Variants in TPO observed in about 807,000 individuals in gnomAD.
TPO encodes the protein thyroid microsomal antigen.
In TPO, 78 loss-of-function variants were observed where a neutral mutation model predicts 96.9. The ratio of observed to expected loss-of-function variants is 0.81; its 90% CI spans 0.67 to 0.97. The LOEUF (loss-of-function observed/expected upper bound fraction) is 0.97. Among genes scored for constraint, TPO ranks in the 50% least tolerant of loss-of-function variants. The pLI is 0.00. For missense variants in TPO, 1,252 were observed against 1,274.8 expected, an observed-to-expected ratio of 0.98 and a Z score of 0.27; for synonymous variants, 547 against 538.0, an observed-to-expected ratio of 1.02 and a Z score of -0.23.
rs1287465779 is a variant in TPO, at chr2:1,540,574, TGGACACGTGTCTCCCACA to T, written c.2619-12_2624del. 2 of 1,612,472 alleles carry T rather than the reference TGGACACGTGTCTCCCACA, an allele frequency of 1.2e-6. No homozygotes were observed. Among genetic ancestry groups the T allele is most frequent in the Non-Finnish European group, 1.7e-6 (2 of 1,180,014 alleles). ...CGGTGCCGGACCCTCTCCCGATAACTGGACACGTGTCTCCCACAGGACACGCACTGGCACTAAATCCAC... is the reference window on the plus strand; with the variant it reads ...CGGTGCCGGACCCTCTCCCGATAACTGGACACGCACTGGCACTAAATCCAC... On this transcript the variant is annotated splice_acceptor_variant and splice_polypyrimidine_tract_variant and intron_variant, in intron 15 of 16. Coordinates refer to ENST00000329066, the MANE Select transcript of TPO (RefSeq NM_001206744.2). LOFTEE classifies it high-confidence loss of function.
chr2:1,481,878 T>C (rs1670678352), intron 8 of TPO, among the ~76,000 whole-genome samples: 1 of 151,962 alleles, frequency 6.6e-6, no homozygotes, highest in Non-Finnish European at 1.5e-5. Flanking sequence ...TTCCCTGCCC[T>C]GCAGGGACAG....
Position 1,423,703 on chromosome 2 carries a change from C to G in TPO, c.179+574C>G, listed in dbSNP as rs190879407. Among the ~76,000 whole-genome samples the G allele has an allele frequency of 8.9e-4, 136 of 152,284 alleles. 1 individual carries two copies. Among genetic ancestry groups the G allele is most frequent in the African/African-American group, 3.1e-3 (128 of 41,564 alleles). On this transcript the variant is annotated intron_variant, in intron 3 of 16. Transcript: ENST00000329066. ...AGCTTATTATTTTGTAGGAAGTTGA[C>G]TAATAATTATATAAGTTCTTGAGAT...
chr2:1,415,250 C>T (rs1662798301), intron 2 of TPO, among the ~76,000 whole-genome samples: 1 of 142,676 alleles, frequency 7.0e-6, no homozygotes, highest in South Asian at 2.3e-4. Flanking sequence ...CGGGCAGGTC[C>T]CTGGGCCTCT....
intron 5 of TPO, 22 bp from the exon 6 acceptor site, chr2:1,453,672 A>G (rs1667519441): frequency 1.2e-6 from 2 of 1,613,806 alleles, no homozygotes; most frequent in South Asian, 2.2e-5. Context: ...TCTCAAACAC[A>G]TCCTTGCATT....
chr2:1,486,075 G>T (rs1671132617), intron 9 of TPO, among the ~76,000 whole-genome samples: 1 of 152,096 alleles, frequency 6.6e-6, no homozygotes, highest in South Asian at 2.1e-4. Flanking sequence ...ATTAATTTTT[G>T]CATAAGGATT....
At chr2:1,521,766 AG>A (rs1437833588) in intron 15 of TPO, among the ~76,000 whole-genome samples, 2 of 152,004 alleles carry the variant, frequency 1.3e-5, no homozygotes, top group Admixed American at 1.3e-4. Context: ...CAGGCCCCAG[AG>A]GACCTGGGGA....
chr2:1,513,260 G>A (rs948476684), intron 14 of TPO, among the ~76,000 whole-genome samples: 3 of 152,216 alleles, frequency 2.0e-5, no homozygotes, highest in African/African-American at 7.2e-5. Context: ...CAGAGGCCTC[G>A]GCTGAGTGGA....
chr2:1,415,619 GGGCCTC>G (rs1662871969), intron 2 of TPO, among the ~76,000 whole-genome samples: 1 of 146,992 alleles, frequency 6.8e-6, no homozygotes, highest in African/African-American at 2.6e-5. Context: ...GCAGGTCCCT[GGGCCTC>G]TGCACATAGT....
intron 3 of TPO, among the ~76,000 whole-genome samples, chr2:1,429,551 C>A (rs528138321): frequency 6.6e-6 from 1 of 152,228 alleles, no homozygotes; most frequent in African/African-American, 2.4e-5. Flanking sequence ...GAGAGAAAGA[C>A]AAGGGAAAGT....
rs181369808 is a variant in TPO, at chr2:1,380,373, G to C, written n.180+5971G>C. On this transcript the variant is annotated intron_variant and non_coding_transcript_variant, in intron 1 of 5. Transcript: ENST00000497517. ...CACTTTACTGCACTCCAGCCTGGGC[G>C]ACAGAGCGAGACTCTGTCTCAAAAA... 3.4e-3 allele frequency among the ~76,000 whole-genome samples: 469 copies of C among 138,610 alleles called. 2 individuals are homozygous for C. The highest frequency in any genetic ancestry group is 5.8e-3 in the Non-Finnish European group (383 of 66,238). 90.9% of individuals were successfully genotyped at this position (138,610 alleles called of 152,430 possible). A position where few individuals can be genotyped will look rare whatever the true frequency, so the allele number is the denominator to read the frequency against.
At chr2:1,375,741 A>C (rs1661712488) in intron 1 of TPO, among the ~76,000 whole-genome samples, 1 of 152,038 alleles carries the variant, frequency 6.6e-6, no homozygotes, top group South Asian at 2.1e-4. Flanking sequence ...CATCGTCCTT[A>C]TGAAACATGT....
intron 5 of TPO, among the ~76,000 whole-genome samples, chr2:1,437,649 G>A (rs927560183): frequency 1.3e-5 from 2 of 152,242 alleles, no homozygotes; most frequent in Non-Finnish European, 2.9e-5. Context: ...AGGGCAGTTT[G>A]TTTCAATTCT....
intron 3 of TPO, among the ~76,000 whole-genome samples, chr2:1,425,686 G>A (rs550258054): frequency 3.9e-4 from 59 of 151,336 alleles, no homozygotes; most frequent in Non-Finnish European, 7.1e-4. Flanking sequence ...TCTAGATGCT[G>A]GGATACAGAG....
At chr2:1,428,325 T>C (rs768288018) in intron 3 of TPO, among the ~76,000 whole-genome samples, 29 of 152,186 alleles carry the variant, frequency 1.9e-4, no homozygotes, top group Non-Finnish European at 3.7e-4. Context: ...TTGAAGCACC[T>C]TTCCAGGCTC....
intron 7 of TPO, among the ~76,000 whole-genome samples, chr2:1,471,827 A>G (rs553157784): frequency 1.3e-5 from 2 of 152,328 alleles, no homozygotes; most frequent in African/African-American, 4.8e-5. Context: ...TTTAATCAGC[A>G]TGCCCTTGCT....
At chr2:1,434,692 A>C (rs970785107) in intron 4 of TPO, among the ~76,000 whole-genome samples, 1 of 152,214 alleles carries the variant, frequency 6.6e-6, no homozygotes, top group Admixed American at 6.5e-5. Context: ...TTAGGAGAAT[A>C]GGCTGAGGTA....
chr2:1,390,281 T>A (rs1303266653), intron 1 of TPO, among the ~76,000 whole-genome samples: 2 of 152,174 alleles, frequency 1.3e-5, no homozygotes, highest in African/African-American at 2.4e-5. Flanking sequence ...TGGTTTTCTG[T>A]CCTTGTATAG....
chr2:1,411,019 T>C (rs1165602413), upstream of TPO, among the ~76,000 whole-genome samples: 3 of 152,082 alleles, frequency 2.0e-5, no homozygotes. Flanking sequence ...TCTCCCATTA[T>C]GTGATAGCCT....
chr2:1,453,884 G>GA, intron 6 of TPO, 61 bp downstream of exon 6: 1 of 1,611,372 alleles, frequency 6.2e-7, no homozygotes, highest in Middle Eastern at 1.7e-4. Context: ...CTGAGGGAGG[G>GA]AAATAGCCTT....
Sources: gnomAD v4.1 joint callset for allele counts (sites outside exome capture counted in the v4.1 genomes callset) on GRCh38, gnomAD v4.1.1 for gene constraint, MANE v1.5 for transcripts, NCBI Gene and HGNC (gene_info 2026-07-23, HGNC 2026-07-21) for gene names.